Variants in ZNF549 observed in about 807,000 individuals in gnomAD.
The protein encoded by ZNF549 is zinc finger protein 549.
ZNF549 carries 11 observed loss-of-function variants against 11.1 expected under a neutral mutation model. The observed-to-expected ratio is 0.99, with a 90% CI of 0.62 to 1.64. The LOEUF (loss-of-function observed/expected upper bound fraction) is 1.64. Ranked by LOEUF, ZNF549 falls within the 40% of genes most tolerant of loss-of-function variation. ZNF549 has a pLI of 0.00. For synonymous variants in ZNF549, 266 were observed against 269.1 expected, an observed-to-expected ratio of 0.99 and a Z score of 0.11; for missense variants, 748 against 765.1, an observed-to-expected ratio of 0.98 and a Z score of 0.26.
intron 3 of ZNF549, 131 bp from the exon 4 acceptor site, chr19:57,537,073 G>A: frequency 9.4e-7 from 1 of 1,058,534 alleles, no homozygotes; most frequent in Non-Finnish European, 1.3e-6. Context: ...CCATCTGGGT[G>A]ACAGAGCAAG....
chr19:57,533,538 A>G (rs2089912444), intron 2 of ZNF549, among the ~76,000 whole-genome samples: 1 of 151,498 alleles, frequency 6.6e-6, no homozygotes, highest in Non-Finnish European at 1.5e-5. Context: ...TTTTTTTTCC[A>G]GTATTCACCA....
In ZNF549 at chr19:57,531,088, G is replaced by T. The variant is rs1479336609; in HGVS notation, c.52G>T (p.Glu18Ter). The change falls in exon 2 of 4, where the codon GAG becomes TAG. Residue 18 changes from glutamate (E) to a stop codon, truncating the protein, a stop_gained. Transcript: ENST00000376233. LOFTEE classifies it high-confidence loss of function. ...CCTACAGATTCCCATGGTAACAGAA[G>T]AGTTTGTGAAACCATCACAGGTAAG... Reference protein sequence around the residue: ...ITPQIPMVTEEFVKPSQGHVT... With the variant: ...ITPQIPMVTE 7 of 1,598,234 alleles carry T rather than the reference G, an allele frequency of 4.4e-6. No individual in the cohort carries two copies. The highest frequency in any genetic ancestry group is 5.9e-6 in the Non-Finnish European group (7 of 1,179,806).
rs1376065372 is a variant in ZNF549 at position 57,527,689 on chromosome 19, C to G, written c.33+83C>G. On this transcript the variant is annotated intron_variant, in intron 1 of 3. Coordinates refer to ENST00000376233, the MANE Select transcript of ZNF549 (RefSeq NM_001199295.2). ...CTGCGTGGGTCTCTGCAGTTCAGGC[C>G]TCTTCTCCAGGACAGCGAGGAGTTC... The G allele has an allele frequency of 3.9e-6, 6 of 1,530,008 alleles. No homozygotes were observed. The Admixed American group carries it at 7.5e-5, about 19-fold the overall frequency. 94.8% of individuals were successfully genotyped at this position (1,530,008 alleles called of 1,614,324 possible).
At chr19:57,527,642 T>A (rs750589042) in intron 1 of ZNF549, 36 bp downstream of exon 1, 11 of 1,609,308 alleles carry the variant, frequency 6.8e-6, no homozygotes, top group Non-Finnish European at 8.5e-7. Flanking sequence ...ACCTGGGTCC[T>A]GAGGCCCCGG....
Position 57,534,334 on chromosome 19 carries a change from A to G in ZNF549, c.73-810A>G, listed in dbSNP as rs116746574. On this transcript the variant is annotated intron_variant, in intron 2 of 3. Transcript: ENST00000376233. ...AGAGGCAAAGCAGTAATGGAGGTCA[A>G]ATAACACCAAGGTCAGGGCTGGTGC... Among the ~76,000 whole-genome samples, 614 of 152,366 alleles carry G rather than the reference A, an allele frequency of 4.0e-3. 3 individuals are homozygous for G. Among genetic ancestry groups the G allele is most frequent in the African/African-American group, 0.014 (576 of 41,586 alleles).
chr19:57,530,600 A>C (rs1308763218), intron 1 of ZNF549, among the ~76,000 whole-genome samples: 2 of 152,138 alleles, frequency 1.3e-5, no homozygotes, highest in African/African-American at 4.8e-5. Context: ...GTTTTGTACG[A>C]CTGAGCCCTT....
At chr19:57,535,374 C>T (rs528971482) in intron 3 of ZNF549, 104 bp downstream of exon 3, 138 of 1,472,600 alleles carry the variant, frequency 9.4e-5, no homozygotes, top group Middle Eastern at 3.7e-4. Context: ...GGCCCTTCTT[C>T]TTTCCTTGGT....
chr19:57,533,217 G>A (rs570102368), intron 2 of ZNF549, among the ~76,000 whole-genome samples: 3 of 152,278 alleles, frequency 2.0e-5, no homozygotes, highest in Non-Finnish European at 4.4e-5. Context: ...GGCAGGGGAA[G>A]CATTTTAAGT....
intron 2 of ZNF549, among the ~76,000 whole-genome samples, chr19:57,532,307 ACT>A (rs1321670784): frequency 6.6e-6 from 1 of 152,098 alleles, no homozygotes; most frequent in South Asian, 2.1e-4. Context: ...TGGAAATGAA[ACT>A]CTGAGAAGCA....
At chr19:57,531,393 A>G (rs2089903548) in intron 2 of ZNF549, among the ~76,000 whole-genome samples, 1 of 152,246 alleles carries the variant, frequency 6.6e-6, no homozygotes, top group Non-Finnish European at 1.5e-5. Context: ...GGGAACTGCA[A>G]GTCTGTGCAC....
Position 57,527,600 on chromosome 19 carries a change from G to A in ZNF549, c.27G>A (p.Thr9=). ...TGGCCGAGGCAGCGCTAGTGATTAC[G>A]CCGCAGGTGAGAGCGGAGTCCTCGG... MAEAALVI[T]PQIPMVTEEF... is the part of the protein sequence containing the mutation. Residue 9 remains threonine, a synonymous_variant, in exon 1 of 4, where the codon ACG becomes ACA. Coordinates refer to ENST00000376233, the MANE Select transcript of ZNF549 (RefSeq NM_001199295.2). The A allele has an allele frequency of 6.2e-7, 1 of 1,613,642 alleles. No homozygotes were observed. The highest frequency in any genetic ancestry group is 2.2e-5 in the East Asian group (1 of 44,858).
In ZNF549 at chr19:57,538,463, AC is replaced by A. The variant is rs752439950; in HGVS notation, c.1460del (p.Thr487AsnfsTer150). On this transcript the variant is annotated frameshift_variant, in exon 4 of 4. Coordinates refer to ENST00000376233, the MANE Select transcript of ZNF549 (RefSeq NM_001199295.2). LOFTEE classifies it low-confidence loss of function (END_TRUNC). ...DCGKAFISKQ[T>X]LLKHHKIHTR... is the part of the protein sequence containing the mutation. ...TGGGAAAGCCTTCATCTCCAAACAAACACTTCTTAAGCATCACAAAATCCAC... is the reference window on the plus strand; with the variant it reads ...TGGGAAAGCCTTCATCTCCAAACAAAACTTCTTAAGCATCACAAAATCCAC... 2 of 1,613,932 alleles carry A rather than the reference AC, an allele frequency of 1.2e-6. No individual in the cohort carries two copies. Among genetic ancestry groups the A allele is most frequent in the South Asian group, 2.2e-5 (2 of 91,066 alleles).
Position 57,537,690 on chromosome 19 carries a change from A to G in ZNF549, c.686A>G (p.Asn229Ser), listed in dbSNP as rs757857429. 6 of 1,614,214 alleles carry G rather than the reference A, an allele frequency of 3.7e-6. No homozygotes were observed. Among genetic ancestry groups the G allele is most frequent in the South Asian group, 3.3e-5 (3 of 91,090 alleles). Residue 229 changes from asparagine (N) to serine (S), a missense_variant, in exon 4 of 4, where the codon AAT becomes AGT. Transcript: ENST00000376233. ...CGTTACAAATGTGAGCAAGTTTTCA[A>G]TGAGAAAGTTCATGTTACTGAGCAT... Reference protein sequence around the residue: ...QRRYKCEQVFNEKVHVTEHQR... With the variant: ...QRRYKCEQVFSEKVHVTEHQR...
At chr19:57,536,529 T>C (rs1164829848) in intron 3 of ZNF549, among the ~76,000 whole-genome samples, 1 of 152,186 alleles carries the variant, frequency 6.6e-6, no homozygotes, top group South Asian at 2.1e-4. Context: ...CTACTTAAGC[T>C]CTCAAACATC....
intron 2 of ZNF549, among the ~76,000 whole-genome samples, chr19:57,534,065 C>T (rs549491874): frequency 2.0e-5 from 3 of 152,126 alleles, no homozygotes; most frequent in Non-Finnish European, 4.4e-5. Context: ...AGTGGCTGGC[C>T]TGTGGACCAT....
rs149929806 is a variant in ZNF549, at chr19:57,536,534, A to G, written c.200-670A>G. ...CAAAGACTGTCTACTTAAGCTCTCAAACATCAGCTATCCAGTTGTAATTGC... is the reference window on the plus strand; with the variant it reads ...CAAAGACTGTCTACTTAAGCTCTCAGACATCAGCTATCCAGTTGTAATTGC... On this transcript the variant is annotated intron_variant, in intron 3 of 3. Coordinates refer to ENST00000376233, the MANE Select transcript of ZNF549 (RefSeq NM_001199295.2). Among the ~76,000 whole-genome samples the G allele has an allele frequency of 2.4e-3, 367 of 152,330 alleles. 2 individuals carry two copies. Among genetic ancestry groups the G allele is most frequent in the African/African-American group, 8.6e-3 (358 of 41,584 alleles).
In ZNF549 at chr19:57,535,372, T is replaced by G. The variant is rs765007915; in HGVS notation, c.199+102T>G. 1.7e-5 allele frequency: 25 copies of G among 1,475,570 alleles called. No homozygotes were observed. In the South Asian group the frequency reaches 3.5e-4, roughly 20 times the overall value. 91.4% of individuals were successfully genotyped at this position (1,475,570 alleles called of 1,614,324 possible). ...TCCCAGAGTTGGACATGGGCCCTTCTTCTTTCCTTGGTTCTTGACCTGTGG... is the reference window on the plus strand; with the variant it reads ...TCCCAGAGTTGGACATGGGCCCTTCGTCTTTCCTTGGTTCTTGACCTGTGG... On this transcript the variant is annotated intron_variant, in intron 3 of 3. Coordinates refer to ENST00000376233, the MANE Select transcript of ZNF549 (RefSeq NM_001199295.2).
At chr19:57,535,064 G>A (rs2089918316) in intron 2 of ZNF549, 80 bp from the exon 3 acceptor site, 4 of 1,553,590 alleles carry the variant, frequency 2.6e-6, no homozygotes, top group Non-Finnish European at 2.6e-6. Flanking sequence ...CTCTGAGTTG[G>A]AGAACTAGGG....
Position 57,539,066 on chromosome 19 carries a change from T to C in ZNF549, c.*139T>C. 1.0e-6 allele frequency: 1 copy of C among 976,452 alleles called. No homozygotes were observed. The highest frequency in any genetic ancestry group is 1.5e-6 in the Non-Finnish European group (1 of 673,848). The allele number at this position is 976,452 out of a possible 1,614,324, so 60.5% of individuals were successfully genotyped here. On this transcript the variant is annotated 3_prime_UTR_variant, in exon 4 of 4. Transcript: ENST00000376233. ...AAGATTCACTACAAGGTCCAAGTAC[T>C]TGGGAAGCTTTCTAGAGATTACTTG...
Sources: allele counts gnomAD v4.1 joint callset (sites outside exome capture counted in the v4.1 genomes callset), GRCh38; gene constraint gnomAD v4.1.1; transcripts MANE v1.5; gene names NCBI Gene and HGNC (gene_info 2026-07-23, HGNC 2026-07-21).